The following ADAM32 variants were observed in gnomAD, a reference collection of about 807,000 sequenced individuals.
The protein encoded by ADAM32 is disintegrin and metalloproteinase domain-containing protein 32.
In ADAM32, 89 loss-of-function variants were observed where a neutral mutation model predicts 114.9. The ratio of observed to expected loss-of-function variants is 0.77; its 90% CI spans 0.65 to 0.92. The LOEUF (loss-of-function observed/expected upper bound fraction) is 0.92. Ranked by LOEUF, ADAM32 falls within the 40% of genes least tolerant of loss-of-function variation. The probability of loss-of-function intolerance (pLI) is 0.00; values close to 1 mark genes in which losing one functional copy is unlikely to be tolerated. For synonymous variants in ADAM32, 285 were observed against 307.5 expected, an observed-to-expected ratio of 0.93 and a Z score of 0.77; for missense variants, 870 against 932.8, an observed-to-expected ratio of 0.93 and a Z score of 0.88.
At chr8:39,237,176 A>C (rs1051096535) in intron 16 of ADAM32, among the ~76,000 whole-genome samples, 4 of 152,130 alleles carry the variant, frequency 2.6e-5, no homozygotes, top group African/African-American at 4.8e-5. Flanking sequence ...AAAGTAGAAG[A>C]AGCAGCGGGA....
Position 39,232,051 on chromosome 8 carries a change from G to A in ADAM32, c.1550G>A (p.Cys517Tyr). ...GGTTCAAGAAATGCTCCATTTGCCTGCTATGAAGAAATACAATCTCAATCA... is the reference window on the plus strand; with the variant it reads ...GGTTCAAGAAATGCTCCATTTGCCTACTATGAAGAAATACAATCTCAATCA... Reference protein sequence around the residue: ...GKGSRNAPFACYEEIQSQSDR... With the variant: ...GKGSRNAPFAYYEEIQSQSDR... The change falls in exon 15 of 25, where the codon TGC becomes TAC. Residue 517 changes from cysteine (C) to tyrosine (Y), a missense_variant. Transcript: ENST00000379907. The A allele has an allele frequency of 6.2e-7, 1 of 1,611,918 alleles. No individual in the cohort carries two copies. Among genetic ancestry groups the A allele is most frequent in the African/African-American group, 1.3e-5 (1 of 74,972 alleles).
intron 11 of ADAM32, among the ~76,000 whole-genome samples, chr8:39,198,996 C>A (rs1807202282): frequency 6.6e-6 from 1 of 152,204 alleles, no homozygotes; most frequent in African/African-American, 2.4e-5. Flanking sequence ...ATATTCTTGG[C>A]TGATAGTTGT....
intron 12 of ADAM32, among the ~76,000 whole-genome samples, chr8:39,212,001 A>C (rs1490932377): frequency 1.3e-5 from 2 of 151,828 alleles, no homozygotes; most frequent in East Asian, 3.9e-4. Flanking sequence ...ATCTTTCTTT[A>C]TTTTTTATTT....
intron 16 of ADAM32, among the ~76,000 whole-genome samples, chr8:39,234,549 A>G (rs1046312959): frequency 6.6e-6 from 1 of 152,226 alleles, no homozygotes; most frequent in African/African-American, 2.4e-5. Context: ...TCAACTGTAC[A>G]TAAAGTAGGG....
chr8:39,150,233 G>T (rs1353767235), intron 5 of ADAM32, among the ~76,000 whole-genome samples: 1 of 152,092 alleles, frequency 6.6e-6, no homozygotes, highest in African/African-American at 2.4e-5. Flanking sequence ...CTGTATACTT[G>T]CACACTTAGC....
chr8:39,259,466 A>G (rs2129450800), intron 19 of ADAM32, among the ~76,000 whole-genome samples: 1 of 151,284 alleles, frequency 6.6e-6, no homozygotes, highest in African/African-American at 2.4e-5. Flanking sequence ...AACTCTGGAC[A>G]TTTTTGTATT....
intron 11 of ADAM32, among the ~76,000 whole-genome samples, chr8:39,192,421 T>C (rs1806668975): frequency 6.6e-6 from 1 of 152,224 alleles, no homozygotes; most frequent in Non-Finnish European, 1.5e-5. Context: ...GTATGTGAGA[T>C]GGTTTTCTTG....
At chr8:39,271,482 AGGTGGTGATGCCAACAGCC>A in intron 20 of ADAM32, among the ~76,000 whole-genome samples, 1 of 151,616 alleles carries the variant, frequency 6.6e-6, no homozygotes, top group Admixed American at 6.6e-5. Context: ...AAGCCACTAA[AGGTGGTGATGCCAACAGCC>A]AAAGCAATCT....
chr8:39,161,991 T>C (rs1286554466), intron 7 of ADAM32, among the ~76,000 whole-genome samples: 1 of 59,678 alleles, frequency 1.7e-5, no homozygotes, highest in African/African-American at 5.7e-5. Flanking sequence ...TTTTCTTTTT[T>C]ATTTTATTTT....
In ADAM32 at chr8:39,281,814, A is replaced by G. The variant is rs546428756; in HGVS notation, c.2318+640A>G. On this transcript the variant is annotated intron_variant, in intron 23 of 24. Coordinates refer to ENST00000379907, the MANE Select transcript of ADAM32 (RefSeq NM_145004.7). ...TCCATTGTAGAGTTTTCATTTTCTT[A>G]TATTGCCTAGTATTTTTCCTTAAAG... 4.9e-4 allele frequency among the ~76,000 whole-genome samples: 75 copies of G among 152,200 alleles called. 1 individual carries two copies. Among genetic ancestry groups the G allele is most frequent in the African/African-American group, 1.8e-3 (73 of 41,530 alleles).
intron 3 of ADAM32, among the ~76,000 whole-genome samples, chr8:39,137,995 G>C (rs1453220188): frequency 6.6e-6 from 1 of 152,132 alleles, no homozygotes; most frequent in Non-Finnish European, 1.5e-5. Flanking sequence ...TGAGAGACCA[G>C]AGCTTGGGAG....
chr8:39,239,876 A>G (rs1343951910), intron 16 of ADAM32, among the ~76,000 whole-genome samples: 2 of 152,198 alleles, frequency 1.3e-5, no homozygotes. Context: ...TAGGAAAAAA[A>G]TCACAATTGT....
chr8:39,189,030 A>G (rs1228525533), intron 11 of ADAM32, among the ~76,000 whole-genome samples: 1 of 152,188 alleles, frequency 6.6e-6, no homozygotes, highest in African/African-American at 2.4e-5. Flanking sequence ...ACAGTTAATT[A>G]GTGTACACAC....
chr8:39,263,641 A>G (rs755987023), intron 19 of ADAM32, among the ~76,000 whole-genome samples: 14 of 152,196 alleles, frequency 9.2e-5, no homozygotes, highest in Non-Finnish European at 1.3e-4. Flanking sequence ...TTTAGCAAAT[A>G]TATACACATA....
chr8:39,122,208 T>A (rs907003238), intron 2 of ADAM32, among the ~76,000 whole-genome samples: 1 of 152,162 alleles, frequency 6.6e-6, no homozygotes, highest in African/African-American at 2.4e-5. Flanking sequence ...GGCTTTTCCA[T>A]GCAAGAAGGA....
Position 39,220,161 on chromosome 8 carries a change from T to G in ADAM32, c.1234-1449T>G, listed in dbSNP as rs558293185. On this transcript the variant is annotated intron_variant, in intron 12 of 24. Coordinates refer to ENST00000379907, the MANE Select transcript of ADAM32 (RefSeq NM_145004.7). ...TATATTTGGTACCATTAAGTCTTCT[T>G]GTTGAATTGAACTCTTTATCATTAT... Among the ~76,000 whole-genome samples, 19 of 152,314 alleles carry G rather than the reference T, an allele frequency of 1.2e-4. No homozygotes were observed. In the South Asian group the frequency reaches 3.3e-3, roughly 27 times the overall value.
At chr8:39,272,029 G>A (rs763538669) in intron 20 of ADAM32, among the ~76,000 whole-genome samples, 1 of 143,200 alleles carries the variant, frequency 7.0e-6, no homozygotes, top group Non-Finnish European at 1.5e-5. Flanking sequence ...CTACTTGGGA[G>A]GCTGAGGTGG....
chr8:39,267,180 A>G (rs991333691), intron 19 of ADAM32, among the ~76,000 whole-genome samples: 1 of 152,086 alleles, frequency 6.6e-6, no homozygotes, highest in Non-Finnish European at 1.5e-5. Context: ...CAGGGTGGTG[A>G]GGGTTCTGTG....
intron 11 of ADAM32, among the ~76,000 whole-genome samples, chr8:39,198,823 G>A (rs562918581): frequency 1.3e-5 from 2 of 151,206 alleles, no homozygotes; most frequent in Non-Finnish European, 2.9e-5. Flanking sequence ...ACTTGTATGT[G>A]TTTTCAGGAT....
Sources: gnomAD v4.1 joint callset for allele counts (sites outside exome capture counted in the v4.1 genomes callset) on GRCh38, gnomAD v4.1.1 for gene constraint, MANE v1.5 for transcripts, NCBI Gene and HGNC (gene_info 2026-07-23, HGNC 2026-07-21) for gene names.